The following SEMA6A variants were observed in gnomAD, a reference collection of about 807,000 sequenced individuals.
The protein encoded by SEMA6A is semaphorin-6A.
In SEMA6A, 25 loss-of-function variants were observed where a neutral mutation model predicts 96.8. The ratio of observed to expected loss-of-function variants is 0.26; its 90% CI spans 0.19 to 0.36. The LOEUF is 0.36. Among genes scored for constraint, SEMA6A ranks in the 10% least tolerant of loss-of-function variants. The pLI is 1.00. For synonymous variants in SEMA6A, 612 were observed against 518.0 expected (o/e 1.18, Z -2.46); for missense variants, 1,363 against 1,323.1 (o/e 1.03, Z -0.47).
intron 1 of SEMA6A, among the ~76,000 whole-genome samples, chr5:116,506,482 A>G (rs1186886607): frequency 6.6e-6 from 1 of 152,224 alleles, no homozygotes; most frequent in African/African-American, 2.4e-5. Flanking sequence ...GTGAAAAGCA[A>G]GAGTCTACTC....
At chr5:116,495,736 T>G (rs1366890687) in intron 5 of SEMA6A, 1 of 474,890 alleles carries the variant, frequency 2.1e-6, no homozygotes, top group Middle Eastern at 5.6e-4. Context: ...TGGAAGATTG[T>G]GTGTTTATTT....
intron 1 of SEMA6A, chr5:116,562,722 G>C (rs187732225): frequency 1.4e-6 from 1 of 732,756 alleles, no homozygotes; most frequent in Non-Finnish European, 2.6e-6. Context: ...ACCCTCTGCC[G>C]TGTGACTGGT....
chr5:116,485,964 C>T (rs186331566), intron 10 of SEMA6A, among the ~76,000 whole-genome samples: 123 of 152,286 alleles, frequency 8.1e-4, no homozygotes, highest in Non-Finnish European at 1.5e-3. Flanking sequence ...GCTCTAGGAA[C>T]AATTACCAGT....
In SEMA6A at chr5:116,446,951, T is replaced by G; in HGVS notation, c.2755A>C (p.Ser919Arg). The G allele has an allele frequency of 1.2e-6, 2 of 1,613,898 alleles. No homozygotes were observed. Among genetic ancestry groups the G allele is most frequent in the Non-Finnish European group, 1.7e-6 (2 of 1,179,870 alleles). Residue 919 changes from serine to arginine, a missense_variant, in exon 19 of 19, where the codon AGC (serine) becomes CGC (arginine). By Grantham distance (110) the Ser-to-Arg change is moderately radical (BLOSUM62 -1). Around this residue, in one of 2 missense-constraint regions of SEMA6A, gnomAD observed 883 missense variants for 763.6 expected, o/e 1.16. Transcript: ENST00000343348. ...CTCGTGAGCGAGTTCGTGGGGTAGC[T>G]CCTCTTATAGTCAACCCCGTAGGAA... is the stretch of plus-strand genomic sequence containing the variant. ...SSSYGVDYKRSYPTNSLTRSH... is the reference protein window; with the variant it reads ...SSSYGVDYKRRYPTNSLTRSH...
At chr5:116,564,506 C>T (rs1010364227) in intron 1 of SEMA6A, among the ~76,000 whole-genome samples, 4 of 152,086 alleles carry the variant, frequency 2.6e-5, no homozygotes, top group African/African-American at 7.2e-5. Context: ...TGAAGTGTAC[C>T]ACTATCCGTT....
intron 1 of SEMA6A, among the ~76,000 whole-genome samples, chr5:116,552,121 C>T (rs1217667229): frequency 1.3e-5 from 2 of 152,202 alleles, no homozygotes; most frequent in Non-Finnish European, 2.9e-5. Flanking sequence ...CTGGAGAGCA[C>T]TGCAAGGTGA....
chr5:116,446,246 T>G lies in SEMA6A; in HGVS notation c.*367A>C. 3 of 184,552 alleles carry G rather than the reference T, an allele frequency of 1.6e-5. No homozygotes were observed. Among genetic ancestry groups the G allele is most frequent in the Non-Finnish European group, 3.2e-5 (3 of 92,744 alleles). The allele number at this position is 184,552 out of a possible 1,614,324, so 11.4% of individuals were successfully genotyped here. A position where few individuals can be genotyped will look rare whatever the true frequency, so the allele number is the denominator to read the frequency against. On this transcript the variant is annotated 3_prime_UTR_variant, in exon 19 of 19. Coordinates refer to ENST00000343348, the MANE Select transcript of SEMA6A (RefSeq NM_020796.5). ...GTTTCTGTTCACCTCTGTGCGTGTG[T>G]GTGTATGTGTTGTGTGCATGTGTGT...
At chr5:116,530,357 T>C (rs1312618493) in intron 1 of SEMA6A, among the ~76,000 whole-genome samples, 4 of 152,334 alleles carry the variant, frequency 2.6e-5, no homozygotes, top group East Asian at 1.9e-4. Flanking sequence ...TAATTTTTAA[T>C]ATGTATTTTC....
In SEMA6A at chr5:116,444,318, C is replaced by G. The variant is rs1754056921; in HGVS notation, c.*2295G>C. Reference sequence around the variant, plus strand: ...GGACTTTTGGAACAAAGGGCTCTCACCCACCCTCAGCTAAGTACTCAGGTC... The same window carrying G: ...GGACTTTTGGAACAAAGGGCTCTCAGCCACCCTCAGCTAAGTACTCAGGTC... On this transcript the variant is annotated 3_prime_UTR_variant, in exon 19 of 19. Transcript: ENST00000343348. 6.6e-6 allele frequency: 1 copy of G among 151,934 alleles called. No individual in the cohort carries two copies. Among genetic ancestry groups the G allele is most frequent in the African/African-American group, 2.4e-5 (1 of 41,344 alleles). 9.4% of individuals were successfully genotyped at this position (151,934 alleles called of 1,614,324 possible).
intron 1 of SEMA6A, among the ~76,000 whole-genome samples, chr5:116,540,030 C>CT (rs1315424326): frequency 1.3e-5 from 2 of 151,964 alleles, no homozygotes; most frequent in Non-Finnish European, 2.9e-5. Context: ...ATTGCAAGTT[C>CT]TTTTTTTCTT....
intron 10 of SEMA6A, among the ~76,000 whole-genome samples, chr5:116,485,322 C>G (rs1341631968): frequency 1.3e-5 from 2 of 152,178 alleles, no homozygotes; most frequent in Non-Finnish European, 2.9e-5. Context: ...AAAACTAGAA[C>G]TGGTCTTAGA....
At chr5:116,472,764 G>A (rs893439582) in intron 17 of SEMA6A, 1 of 685,456 alleles carries the variant, frequency 1.5e-6, no homozygotes. Flanking sequence ...TAATTTTAGT[G>A]AATTGGGGCC....
In SEMA6A at chr5:116,497,386, C is replaced by T; in HGVS notation, c.220G>A (p.Asp74Asn). Residue 74 changes from aspartate (D) to asparagine (N), a missense_variant and splice_region_variant, in exon 4 of 19, where the codon GAC becomes AAC. Asp to Asn is a conservative substitution (Grantham distance 23). Transcript: ENST00000343348. ...TCTATATCAACAGTATAAATATGGT[C>T]CCTATAGGCAAAGAAAAATTAATAC... ...MNGTLYIAARDHIYTVDIDTS... is the reference protein window; with the variant it reads ...MNGTLYIAARNHIYTVDIDTS... 3 of 1,582,270 alleles carry T rather than the reference C, an allele frequency of 1.9e-6. No homozygotes were observed. The highest frequency in any genetic ancestry group is 3.4e-5 in the Admixed American group (2 of 58,322).
At chr5:116,559,577 C>G (rs1338943522) in intron 1 of SEMA6A, among the ~76,000 whole-genome samples, 1 of 152,302 alleles carries the variant, frequency 6.6e-6, no homozygotes, top group East Asian at 1.9e-4. Flanking sequence ...TTGGTGCGCT[C>G]TCGGGGTTCG....
In SEMA6A at chr5:116,445,449, A is replaced by G. The variant is rs1203838077; in HGVS notation, c.*1164T>C. On this transcript the variant is annotated 3_prime_UTR_variant, in exon 19 of 19. Coordinates refer to ENST00000343348, the MANE Select transcript of SEMA6A (RefSeq NM_020796.5). ...GATTTTGTTTGCTGTCTCACATGCA[A>G]GGTGAAATGGGATGGCATATTGCAA... 6.5e-6 allele frequency: 1 copy of G among 152,698 alleles called. No individual in the cohort carries two copies. Among genetic ancestry groups the G allele is most frequent in the Non-Finnish European group, 1.5e-5 (1 of 68,056 alleles). 9.5% of individuals were successfully genotyped at this position (152,698 alleles called of 1,614,324 possible).
intron 1 of SEMA6A, among the ~76,000 whole-genome samples, chr5:116,561,191 A>C (rs756803419): frequency 6.6e-6 from 1 of 152,214 alleles, no homozygotes; most frequent in Non-Finnish European, 1.5e-5. Flanking sequence ...GGTTGTGATA[A>C]GATGAAATAA....
chr5:116,485,765 A>T (rs904420653), intron 10 of SEMA6A, among the ~76,000 whole-genome samples: 2 of 152,230 alleles, frequency 1.3e-5, no homozygotes, highest in East Asian at 3.8e-4. Context: ...CTCAATACAG[A>T]ACACCCAAAA....
intron 6 of SEMA6A, among the ~76,000 whole-genome samples, chr5:116,494,668 A>G (rs6874974): frequency 0.12 from 18,263 of 152,232 alleles, 1,265 homozygotes; most frequent in Middle Eastern, 0.17. Flanking sequence ...CTAAGGGTTG[A>G]GGCCTCCTGT....
At chr5:116,539,599 G>C (rs1057498966) in intron 1 of SEMA6A, among the ~76,000 whole-genome samples, 2 of 151,458 alleles carry the variant, frequency 1.3e-5, no homozygotes, top group Non-Finnish European at 2.9e-5. Flanking sequence ...GCGTGTGTGT[G>C]TGTGTGTGTG....
Sources: gnomAD v4.1 joint callset for allele counts (sites outside exome capture counted in the v4.1 genomes callset) on GRCh38, gnomAD v4.1.1 for gene constraint, gnomAD v4.1.1 regional missense constraint, MANE v1.5 for transcripts, NCBI Gene and HGNC (gene_info 2026-07-23, HGNC 2026-07-21) for gene names.